Variants in GABRG3 observed in about 807,000 individuals in gnomAD.
GABRG3 encodes the protein gamma-aminobutyric acid type A receptor subunit gamma3.
A neutral mutation model predicts 48.8 loss-of-function variants in GABRG3; 25 were observed. The observed-to-expected ratio is 0.51, with a 90% CI of 0.37 to 0.72. GABRG3 has a LOEUF of 0.72. Among genes scored for constraint, GABRG3 ranks in the 30% least tolerant of loss-of-function variants. The probability of loss-of-function intolerance (pLI) is 0.00; values close to 1 mark genes in which losing one functional copy is unlikely to be tolerated. For synonymous variants in GABRG3, 227 were observed against 217.6 expected, an observed-to-expected ratio of 1.04 and a Z score of -0.38; for missense variants, 394 against 577.9, an observed-to-expected ratio of 0.68 and a Z score of 3.26.
In GABRG3 at chr15:27,179,337, T is replaced by C. The variant is rs992015156; in HGVS notation, c.271-147472T>C. Among the ~76,000 whole-genome samples, 1 of 152,214 alleles carries C rather than the reference T, an allele frequency of 6.6e-6. No individual in the cohort carries two copies. Among genetic ancestry groups the C allele is most frequent in the Non-Finnish European group, 1.5e-5 (1 of 68,028 alleles). On this transcript the variant is annotated intron_variant, in intron 3 of 9. Transcript: ENST00000615808. This position sits in a 1 kb window ranked among gnomAD's most constrained non-coding sequence, Gnocchi z 4.0. ...TGTGGCCAATGCACTTTATCATATG[T>C]GTCCGTGAGAATAGCACATTAGCCA...
At chr15:27,063,235 A>G (rs1896681468) in intron 3 of GABRG3, among the ~76,000 whole-genome samples, 1 of 152,234 alleles carries the variant, frequency 6.6e-6, no homozygotes, top group Non-Finnish European at 1.5e-5. Flanking sequence ...CGCCTCAGGG[A>G]CACACAGGAG....
At chr15:27,248,828 AGAG>A (rs1566979271) in intron 3 of GABRG3, among the ~76,000 whole-genome samples, 16 of 146,350 alleles carry the variant, frequency 1.1e-4, no homozygotes, top group African/African-American at 4.1e-4. Flanking sequence ...AGAGAGAGAG[AGAG>A]AGAGACAGAG....
chr15:27,271,059 A>G (rs1490062235), intron 3 of GABRG3, among the ~76,000 whole-genome samples: 1 of 152,180 alleles, frequency 6.6e-6, no homozygotes, highest in African/African-American at 2.4e-5. Context: ...TGATTTTACA[A>G]TAACTTTAAG....
chr15:27,269,611 C>G (rs1045316284), intron 3 of GABRG3, among the ~76,000 whole-genome samples: 2 of 152,200 alleles, frequency 1.3e-5, no homozygotes, highest in African/African-American at 4.8e-5. Context: ...TATGTGACTA[C>G]AAGACTCTAA....
intron 5 of GABRG3, among the ~76,000 whole-genome samples, chr15:27,374,747 G>A (rs1476315127): frequency 1.3e-5 from 2 of 152,154 alleles, no homozygotes; most frequent in Non-Finnish European, 2.9e-5. Flanking sequence ...TTATCCTGAT[G>A]GAGGACGAGG....
chr15:27,488,401 T>C (rs1890270077), intron 6 of GABRG3, among the ~76,000 whole-genome samples: 4 of 152,146 alleles, frequency 2.6e-5, no homozygotes, highest in Admixed American at 2.0e-4. Flanking sequence ...CCATCCTACC[T>C]GGGTTTAAAT....
intron 5 of GABRG3, among the ~76,000 whole-genome samples, chr15:27,382,442 G>A (rs1042720017): frequency 6.6e-6 from 1 of 152,192 alleles, no homozygotes; most frequent in African/African-American, 2.4e-5. Flanking sequence ...AAAAAAACAA[G>A]TAAAAGTTCT....
At chr15:27,226,337 G>A (rs1039591004) in intron 3 of GABRG3, among the ~76,000 whole-genome samples, 3 of 152,300 alleles carry the variant, frequency 2.0e-5, no homozygotes, top group Non-Finnish European at 2.9e-5. Context: ...GGGACTGAGC[G>A]TGGTCAGGGA....
intron 5 of GABRG3, among the ~76,000 whole-genome samples, chr15:27,383,795 ATG>A (rs950986862): frequency 8.5e-5 from 13 of 152,254 alleles, no homozygotes; most frequent in Admixed American, 3.3e-4. Context: ...CCAAAAAATA[ATG>A]TGTGTCTTTT....
chr15:27,136,812 A>T (rs1238118989), intron 3 of GABRG3, among the ~76,000 whole-genome samples: 3 of 152,106 alleles, frequency 2.0e-5, no homozygotes, highest in Admixed American at 1.3e-4. Context: ...CAGCACCTGA[A>T]TGCTCCCAGG....
rs935967440 is a variant in GABRG3 at position 27,248,797 on chromosome 15, C to G, written c.271-78012C>G. Among the ~76,000 whole-genome samples, 262 of 112,140 alleles carry G rather than the reference C, an allele frequency of 2.3e-3. 1 individual carries two copies. Among genetic ancestry groups the G allele is most frequent in the African/African-American group, 4.7e-3 (120 of 25,288 alleles). The allele number at this position is 112,140 out of a possible 152,430, so 73.6% of individuals were successfully genotyped here. ...ACACACACACACACACACACACACA[C>G]ACACACAGAGAGAGAGAGAGAGAGA... On this transcript the variant is annotated intron_variant, in intron 3 of 9. Transcript: ENST00000615808.
intron 5 of GABRG3, among the ~76,000 whole-genome samples, chr15:27,456,532 A>C (rs907748657): frequency 6.6e-6 from 1 of 152,212 alleles, no homozygotes; most frequent in Non-Finnish European, 1.5e-5. Context: ...CCTGCTGCAC[A>C]TTATACAAGA....
At chr15:27,518,652 T>G (rs73371537) in intron 6 of GABRG3, among the ~76,000 whole-genome samples, 11,474 of 152,106 alleles carry the variant, frequency 0.075, 1,458 homozygotes, top group African/African-American at 0.26. Context: ...GAGCATGCTA[T>G]GCAGATGGGA....
rs548446045 is a variant in GABRG3 at position 27,094,865 on chromosome 15, GTATA to G, written c.270+68047_270+68050del. Among the ~76,000 whole-genome samples, 229 of 152,264 alleles carry G rather than the reference GTATA, an allele frequency of 1.5e-3. 1 individual carries two copies. Among genetic ancestry groups the G allele is most frequent in the African/African-American group, 5.0e-3 (207 of 41,538 alleles). On this transcript the variant is annotated intron_variant, in intron 3 of 9. Coordinates refer to ENST00000615808, the MANE Select transcript of GABRG3 (RefSeq NM_033223.5). ...CCTAGATATTACCATTTAAATTTTA[GTATA>G]TAGTTTTCCAAATATATATATTATG...
At chr15:27,124,241 G>A (rs1006281383) in intron 3 of GABRG3, among the ~76,000 whole-genome samples, 2 of 152,182 alleles carry the variant, frequency 1.3e-5, no homozygotes, top group African/African-American at 4.8e-5. Flanking sequence ...ATAACTTGTG[G>A]AAGGGGATCA....
intron 5 of GABRG3, among the ~76,000 whole-genome samples, chr15:27,351,247 T>C (rs1257005656): frequency 6.8e-6 from 1 of 147,214 alleles, no homozygotes; most frequent in African/African-American, 2.6e-5. Context: ...GTGTGTATGG[T>C]GTTTGTGTGT....
chr15:27,283,440 C>T (rs997976518), intron 3 of GABRG3, among the ~76,000 whole-genome samples: 8 of 152,152 alleles, frequency 5.3e-5, no homozygotes, highest in African/African-American at 1.9e-4. Context: ...GCCATCTCTA[C>T]TATAAATACA....
intron 3 of GABRG3, among the ~76,000 whole-genome samples, chr15:27,110,870 A>G (rs952435284): frequency 2.0e-5 from 3 of 151,890 alleles, no homozygotes; most frequent in Non-Finnish European, 4.4e-5. Flanking sequence ...CAAGTGGGTT[A>G]TTTTTGGTAT....
chr15:27,135,890 G>T (rs1296287315), intron 3 of GABRG3, among the ~76,000 whole-genome samples: 1 of 152,144 alleles, frequency 6.6e-6, no homozygotes, highest in Non-Finnish European at 1.5e-5. Flanking sequence ...GAGCAACAGA[G>T]CCAGACTTTG....
Sources: allele counts gnomAD v4.1 joint callset (sites outside exome capture counted in the v4.1 genomes callset), GRCh38; gene constraint gnomAD v4.1.1; non-coding constraint Gnocchi (gnomAD v3.1); transcripts MANE v1.5; gene names NCBI Gene and HGNC (gene_info 2026-07-23, HGNC 2026-07-21).